PTBP3: variants seen among roughly 807,000 people sequenced by gnomAD.
The protein encoded by PTBP3 is polypyrimidine tract-binding protein 3.
PTBP3 carries 20 observed loss-of-function variants against 58.7 expected under a neutral mutation model. The ratio of observed to expected loss-of-function variants is 0.34; its 90% CI spans 0.24 to 0.50. The LOEUF (loss-of-function observed/expected upper bound fraction) is 0.50. Ranked by LOEUF, PTBP3 falls within the 20% of genes least tolerant of loss-of-function variation. The pLI is 0.98. For synonymous variants in PTBP3, 185 were observed against 219.8 expected (o/e 0.84, Z 1.40); for missense variants, 509 against 637.2 (o/e 0.80, Z 2.17).
At chr9:112,257,129 T>C (rs1461286449) in intron 5 of PTBP3, among the ~76,000 whole-genome samples, 1 of 152,208 alleles carries the variant, frequency 6.6e-6, no homozygotes, top group Non-Finnish European at 1.5e-5. Flanking sequence ...CTTGGTGTTT[T>C]GCTGTGTGGT....
At chr9:112,340,097 G>A in the PTBP3 span, among the ~76,000 whole-genome samples, 7 of 152,088 alleles carry the variant, frequency 4.6e-5, no homozygotes, top group South Asian at 4.2e-4. Context: ...CCTGAGTAGC[G>A]GAAACTGTAG....
chr9:112,299,004 C>G (rs1203950393), intron 1 of PTBP3, among the ~76,000 whole-genome samples: 1 of 152,124 alleles, frequency 6.6e-6, no homozygotes, highest in African/African-American at 2.4e-5. Context: ...ACTTAAAGCA[C>G]AGGTCTTCCT....
intron 3 of PTBP3, among the ~76,000 whole-genome samples, chr9:112,272,295 G>C (rs968876233): frequency 2.6e-5 from 4 of 152,054 alleles, no homozygotes; most frequent in Non-Finnish European, 4.4e-5. Flanking sequence ...GAACTCCTGA[G>C]CTCAAGTAAT....
At chr9:112,290,701 T>TACACACACACACAC (rs1376874308) in intron 2 of PTBP3, among the ~76,000 whole-genome samples, 488 of 64,716 alleles carry the variant, frequency 7.5e-3, no homozygotes, top group Middle Eastern at 0.021. Context: ...TATATATATA[T>TACACACACACACAC]ATATATACAC....
At chr9:112,256,601 G>C (rs1018001421) in intron 5 of PTBP3, among the ~76,000 whole-genome samples, 8 of 152,028 alleles carry the variant, frequency 5.3e-5, no homozygotes, top group Non-Finnish European at 1.2e-4. Context: ...CGCCATCATA[G>C]TTCACTATAA....
chr9:112,233,381 T>C (rs902380619), intron 8 of PTBP3, among the ~76,000 whole-genome samples: 2 of 151,582 alleles, frequency 1.3e-5, no homozygotes, highest in African/African-American at 2.4e-5. Context: ...TTCATCTTTC[T>C]TAATATTAAT....
intron 2 of PTBP3, among the ~76,000 whole-genome samples, chr9:112,294,005 A>G (rs187857238): frequency 3.9e-5 from 6 of 152,328 alleles, no homozygotes; most frequent in Admixed American, 2.0e-4. Context: ...AATATAGCAT[A>G]TCAAAATACC....
At chr9:112,232,001 G>GAAAAGA (rs1564391718) in intron 9 of PTBP3, 98 bp downstream of exon 9, 2 of 433,698 alleles carry the variant, frequency 4.6e-6, no homozygotes, top group African/African-American at 6.3e-5. Context: ...GAAGAGAAGA[G>GAAAAGA]AAGAGAAGAG....
intron 1 of PTBP3, among the ~76,000 whole-genome samples, chr9:112,331,666 A>T (rs890815299): frequency 8.5e-5 from 13 of 152,370 alleles, no homozygotes; most frequent in East Asian, 5.8e-4. Flanking sequence ...CAAAGGGCAA[A>T]TCATGCTCCG....
At chr9:112,318,460 G>A (rs1829793684) in intron 1 of PTBP3, among the ~76,000 whole-genome samples, 2 of 152,070 alleles carry the variant, frequency 1.3e-5, no homozygotes, top group African/African-American at 4.8e-5. Context: ...AATTAAAGAC[G>A]ACATAAAAGA....
chr9:112,275,139 A>AT (rs11424595), intron 3 of PTBP3, among the ~76,000 whole-genome samples: 123,914 of 148,676 alleles, frequency 0.83, 51,971 homozygotes, highest in African/African-American at 0.95. Context: ...TATACTTTTT[A>AT]TTTTTTTTTT....
chr9:112,363,411 C>T, the PTBP3 span, among the ~76,000 whole-genome samples: 4 of 151,736 alleles, frequency 2.6e-5, no homozygotes, highest in South Asian at 2.1e-4. Context: ...CCCAGTTACT[C>T]GGGAGGCTGA....
intron 8 of PTBP3, among the ~76,000 whole-genome samples, 165 bp downstream of exon 8, chr9:112,234,655 A>G (rs1835372716): frequency 6.6e-6 from 1 of 152,246 alleles, no homozygotes; most frequent in African/African-American, 2.4e-5. Flanking sequence ...ATTTGTAAAT[A>G]ACAAGGAAGC....
At chr9:112,245,681 C>T (rs1835847179) in intron 7 of PTBP3, among the ~76,000 whole-genome samples, 1 of 152,064 alleles carries the variant, frequency 6.6e-6, no homozygotes, top group Non-Finnish European at 1.5e-5. Flanking sequence ...TGGCTGATTC[C>T]AGTGCCAGGT....
At chr9:112,322,200 ACCT>A (rs1829984023) in intron 1 of PTBP3, among the ~76,000 whole-genome samples, 1 of 151,898 alleles carries the variant, frequency 6.6e-6, no homozygotes, top group Admixed American at 6.6e-5. Context: ...GGGAACAGTA[ACCT>A]CTGTGAAATA....
the PTBP3 span, among the ~76,000 whole-genome samples, chr9:112,359,262 G>A: frequency 6.6e-6 from 1 of 151,742 alleles, no homozygotes; most frequent in Non-Finnish European, 1.5e-5. Flanking sequence ...CCAACGTGGT[G>A]AAACCCCATC....
At chr9:112,275,700 C>T (rs997114152) in intron 3 of PTBP3, 144 bp downstream of exon 3, 3 of 652,220 alleles carry the variant, frequency 4.6e-6, no homozygotes, top group South Asian at 3.0e-5. Flanking sequence ...TGTTACACCC[C>T]CCCAAAAAAA....
At position 112,279,256 on chromosome 9, in the gene PTBP3, A is replaced by G. The variant is rs1827755428; in HGVS notation, c.35-3243T>C. 3.3e-5 allele frequency among the ~76,000 whole-genome samples: 5 copies of G among 152,232 alleles called. No homozygotes were observed. The South Asian group carries it at 1.0e-3, about 31-fold the overall frequency. On this transcript the variant is annotated intron_variant, in intron 2 of 13. Coordinates refer to ENST00000374257, the MANE Select transcript of PTBP3 (RefSeq NM_001163788.4). ...TTCTGTACAAAAGGACAGTTTTCAA[A>G]AATCTTAATACAAAAATAAGCATTC...
chr9:112,336,565 T>C (rs1486073869), upstream of PTBP3, among the ~76,000 whole-genome samples: 1 of 151,986 alleles, frequency 6.6e-6, no homozygotes. Flanking sequence ...CAGCATTGCT[T>C]GAGCTCAGCA....
Sources: gnomAD v4.1 joint callset for allele counts (sites outside exome capture counted in the v4.1 genomes callset) on GRCh38, gnomAD v4.1.1 for gene constraint, MANE v1.5 for transcripts, NCBI Gene and HGNC (gene_info 2026-07-23, HGNC 2026-07-21) for gene names.